The following TMEM272 variants were observed in gnomAD, a reference collection of about 807,000 sequenced individuals.
The protein encoded by TMEM272 is long intergenic non-protein coding RNA 282.
Under a neutral mutation model 3.7 loss-of-function variants are expected in TMEM272, and 8 were observed. That is an observed-to-expected ratio of 2.17 (90% CI 1.27 to 3.91). The LOEUF (loss-of-function observed/expected upper bound fraction) is 3.91. Among genes scored for constraint, TMEM272 ranks in the 30% most tolerant of loss-of-function variants. The probability of loss-of-function intolerance (pLI) is 0.00; values close to 1 mark genes in which losing one functional copy is unlikely to be tolerated. For synonymous variants in TMEM272, 63 were observed against 39.8 expected (o/e 1.58, Z -2.20); for missense variants, 166 against 91.5 (o/e 1.81, Z -3.32).
At chr13:51,875,818 C>T in the TMEM272 span, among the ~76,000 whole-genome samples, 1 of 152,224 alleles carries the variant, frequency 6.6e-6, no homozygotes, top group East Asian at 1.9e-4. Flanking sequence ...ACATACCTTA[C>T]TGAAGGCCTC....
chr13:51,898,961 C>T, the TMEM272 span, among the ~76,000 whole-genome samples: 1 of 152,168 alleles, frequency 6.6e-6, no homozygotes, highest in Non-Finnish European at 1.5e-5. Flanking sequence ...TCATCCACTG[C>T]TGATCACTGC....
At chr13:51,863,452 C>G in the TMEM272 span, among the ~76,000 whole-genome samples, 1 of 152,126 alleles carries the variant, frequency 6.6e-6, no homozygotes, top group Non-Finnish European at 1.5e-5. Context: ...CTGGCCTGAC[C>G]TGGCTGTCAT....
chr13:51,860,638 C>A, the TMEM272 span, among the ~76,000 whole-genome samples: 1,532 of 105,782 alleles, frequency 0.014, 1 homozygote, highest in Middle Eastern at 0.019. Flanking sequence ...AAACATGTCT[C>A]AAAAAAAAAA....
At chr13:51,832,830 C>A (rs1325421355) in intron 2 of TMEM272, among the ~76,000 whole-genome samples, 1 of 152,210 alleles carries the variant, frequency 6.6e-6, no homozygotes, top group Non-Finnish European at 1.5e-5. Context: ...GCTATTCATT[C>A]TTGCATTCGA....
the TMEM272 span, among the ~76,000 whole-genome samples, chr13:51,875,553 C>T: frequency 6.6e-6 from 1 of 152,194 alleles, no homozygotes; most frequent in Non-Finnish European, 1.5e-5. Context: ...AGAAGATATT[C>T]TGATGACAGT....
the TMEM272 span, among the ~76,000 whole-genome samples, chr13:51,865,050 T>A: frequency 6.6e-6 from 1 of 152,214 alleles, no homozygotes; most frequent in Admixed American, 6.5e-5. Flanking sequence ...CTTGGCCTCA[T>A]CATGTCACAC....
rs1044395051 is a variant in TMEM272 at position 51,826,700 on chromosome 13, T to G, written c.59-75A>C. 19 of 697,216 alleles carry G rather than the reference T, an allele frequency of 2.7e-5. No homozygotes were observed. The African/African-American group carries it at 3.1e-4, about 12-fold the overall frequency. The allele number at this position is 697,216 out of a possible 1,614,324, so 43.2% of individuals were successfully genotyped here. ...TGCATTTCCTCTTCACTGCAGTTTC[T>G]TAAGCATCCTGTGAAACCTGACTTT... On this transcript the variant is annotated intron_variant, in intron 2 of 4. Coordinates refer to ENST00000629372, the MANE Select transcript of TMEM272 (RefSeq NM_001351003.2).
At chr13:51,898,354 C>T in the TMEM272 span, among the ~76,000 whole-genome samples, 1 of 152,004 alleles carries the variant, frequency 6.6e-6, no homozygotes, top group African/African-American at 2.4e-5. Context: ...TTAAGAAGCA[C>T]TAATGCAGGA....
chr13:51,865,205 C>T, the TMEM272 span: 1 of 543,132 alleles, frequency 1.8e-6, no homozygotes, highest in Non-Finnish European at 3.2e-6. Flanking sequence ...CAAAGCTTGT[C>T]CCTCACAAAC....
intron 2 of TMEM272, among the ~76,000 whole-genome samples, chr13:51,831,687 G>T (rs1239027829): frequency 1.3e-5 from 2 of 152,226 alleles, no homozygotes; most frequent in African/African-American, 4.8e-5. Context: ...CTGCCTCCTG[G>T]GGCATCTGGT....
Position 51,843,283 on chromosome 13 carries a change from A to C in TMEM272, c.-24+1733T>G, listed in dbSNP as rs766329342. 1.8e-4 allele frequency among the ~76,000 whole-genome samples: 28 copies of C among 152,338 alleles called. 1 individual carries two copies. The highest frequency in any genetic ancestry group is 3.4e-3 in the Middle Eastern group (1 of 294). On this transcript the variant is annotated intron_variant, in intron 1 of 4. Coordinates refer to ENST00000629372, the MANE Select transcript of TMEM272 (RefSeq NM_001351003.2). ...GAAAGCTGCAATTTGAGAAAATAGC[A>C]GTGAATCTGCTTTTTGATTCACAGA...
the TMEM272 span, among the ~76,000 whole-genome samples, chr13:51,860,098 G>C: frequency 1.3e-5 from 2 of 152,030 alleles, no homozygotes; most frequent in East Asian, 3.9e-4. Context: ...TTGTTATGTT[G>C]CTCTGGCTGG....
the TMEM272 span, among the ~76,000 whole-genome samples, chr13:51,851,082 T>C: frequency 6.6e-6 from 1 of 152,146 alleles, no homozygotes; most frequent in African/African-American, 2.4e-5. Context: ...GAAGAGGTAC[T>C]ACAGCACTTT....
At chr13:51,932,046 A>G in the TMEM272 span, among the ~76,000 whole-genome samples, 2 of 152,146 alleles carry the variant, frequency 1.3e-5, no homozygotes, top group South Asian at 2.1e-4. Context: ...GAAGGTGAGT[A>G]TATGTCCCAG....
chr13:51,888,564 CAT>C, the TMEM272 span, among the ~76,000 whole-genome samples: 3 of 151,804 alleles, frequency 2.0e-5, no homozygotes, highest in Non-Finnish European at 4.4e-5. Context: ...GCTTTTCTCA[CAT>C]GACAGCATTT....
chr13:51,821,207 G>C (rs1223684824), intron 4 of TMEM272, among the ~76,000 whole-genome samples: 1 of 152,158 alleles, frequency 6.6e-6, no homozygotes, highest in Non-Finnish European at 1.5e-5. Context: ...TTACGGCTTT[G>C]TTTTTATGAA....
the TMEM272 span, among the ~76,000 whole-genome samples, chr13:51,915,789 C>A: frequency 6.6e-6 from 1 of 152,300 alleles, no homozygotes. Context: ...ATCACTGACA[C>A]GTGGCCGGGT....
intron 4 of TMEM272, among the ~76,000 whole-genome samples, chr13:51,818,030 G>A (rs1324384731): frequency 1.3e-5 from 2 of 152,190 alleles, no homozygotes. Context: ...TCTCTACCTA[G>A]CAACTTGATC....
intron 2 of TMEM272, among the ~76,000 whole-genome samples, chr13:51,834,979 G>T (rs1431720322): frequency 6.6e-6 from 1 of 152,138 alleles, no homozygotes; most frequent in Non-Finnish European, 1.5e-5. Context: ...AGATGGGGAG[G>T]CTGGGAGCCA....
Sources: gnomAD v4.1 joint callset for allele counts (sites outside exome capture counted in the v4.1 genomes callset) on GRCh38, gnomAD v4.1.1 for gene constraint, MANE v1.5 for transcripts, NCBI Gene and HGNC (gene_info 2026-07-23, HGNC 2026-07-21) for gene names.